Variants in ARID4A observed in about 807,000 individuals in gnomAD.
ARID4A encodes AT-rich interactive domain-containing protein 4A.
A neutral mutation model predicts 148.6 loss-of-function variants in ARID4A; 39 were observed. The observed-to-expected ratio is 0.26, with a 90% CI of 0.20 to 0.34. ARID4A has a LOEUF of 0.34. Ranked by LOEUF, ARID4A falls within the 10% of genes least tolerant of loss-of-function variation. The pLI is 1.00. For synonymous variants in ARID4A, 475 were observed against 481.2 expected (o/e 0.99, Z 0.17); for missense variants, 1,265 against 1,449.1 (o/e 0.87, Z 2.06).
At chr14:58,355,830 G>C (rs1319829156) in intron 17 of ARID4A, among the ~76,000 whole-genome samples, 2 of 151,990 alleles carry the variant, frequency 1.3e-5, no homozygotes, top group East Asian at 3.9e-4. Context: ...ATATGTCTGT[G>C]TTCTGCTTTC....
intron 15 of ARID4A, 38 bp from the exon 16 acceptor site, chr14:58,351,035 A>G (rs2034615555): frequency 6.4e-7 from 1 of 1,551,650 alleles, no homozygotes; most frequent in African/African-American, 1.4e-5. Context: ...TCCCCTTTAT[A>G]GTGATAGCTA....
chr14:58,300,215 G>A (rs2031027980), intron 2 of ARID4A, among the ~76,000 whole-genome samples: 1 of 152,096 alleles, frequency 6.6e-6, no homozygotes, highest in Non-Finnish European at 1.5e-5. Context: ...CTTCCCGTGT[G>A]CCAATGCGAT....
chr14:58,343,287 G>T (rs2034201948), intron 11 of ARID4A, among the ~76,000 whole-genome samples: 1 of 152,130 alleles, frequency 6.6e-6, no homozygotes, highest in South Asian at 2.1e-4. Flanking sequence ...TTTGGTAAAA[G>T]TATTTTAGTG....
At chr14:58,348,865 C>T (rs547010101) in intron 15 of ARID4A, among the ~76,000 whole-genome samples, 1 of 151,808 alleles carries the variant, frequency 6.6e-6, no homozygotes, top group African/African-American at 2.4e-5. Flanking sequence ...GTACATATAA[C>T]ATAAAATTTG....
At chr14:58,327,563 A>T (rs1295795853) in intron 8 of ARID4A, among the ~76,000 whole-genome samples, 1 of 152,154 alleles carries the variant, frequency 6.6e-6, no homozygotes, top group African/African-American at 2.4e-5. Flanking sequence ...GTATATTTTT[A>T]AAAATTATAT....
At chr14:58,355,151 T>C (rs1375758903) in intron 17 of ARID4A, among the ~76,000 whole-genome samples, 1 of 152,218 alleles carries the variant, frequency 6.6e-6, no homozygotes, top group Non-Finnish European at 1.5e-5. Context: ...CTGGCATATT[T>C]AATATCTCTG....
chr14:58,326,553 G>C (rs1474546897), intron 8 of ARID4A, among the ~76,000 whole-genome samples: 1 of 152,200 alleles, frequency 6.6e-6, no homozygotes. Flanking sequence ...AACATAATTT[G>C]AATCTAGGGC....
chr14:58,344,204 CAG>C (rs2034247777), intron 11 of ARID4A, among the ~76,000 whole-genome samples: 1 of 152,098 alleles, frequency 6.6e-6, no homozygotes, highest in Non-Finnish European at 1.5e-5. Context: ...GCCATCTAAA[CAG>C]AAATCCTTTG....
rs551253554 is a variant in ARID4A at position 58,303,949 on chromosome 14, A to G, written c.118-995A>G. Among the ~76,000 whole-genome samples the G allele has an allele frequency of 2.9e-4, 44 of 152,226 alleles. 1 individual carries two copies. The highest frequency in any genetic ancestry group is 1.0e-3 in the African/African-American group (43 of 41,556). On this transcript the variant is annotated intron_variant, in intron 3 of 23. Coordinates refer to ENST00000355431, the MANE Select transcript of ARID4A (RefSeq NM_002892.4). ...AAATGTTGAAACCCTGTCTCTAGTA[A>G]AAATACAAAAAATTAGCCAGACATG... is the stretch of plus-strand genomic sequence containing the variant.
intron 12 of ARID4A, among the ~76,000 whole-genome samples, chr14:58,345,791 C>T (rs1464353335): frequency 8.1e-6 from 1 of 123,574 alleles, no homozygotes; most frequent in Non-Finnish European, 1.6e-5. Flanking sequence ...AGTGCGGTGG[C>T]GTGAACATGG....
rs139341406 is a variant in ARID4A at position 58,320,089 on chromosome 14, A to T, written c.449+1284A>T. On this transcript the variant is annotated intron_variant, in intron 7 of 23. Coordinates refer to ENST00000355431, the MANE Select transcript of ARID4A (RefSeq NM_002892.4). ...CAGCCTCCCGAGTAGTCAGAACTAC[A>T]GGCGCGTGCCACCACGCCCAGCTAA... Among the ~76,000 whole-genome samples the T allele has an allele frequency of 3.6e-3, 553 of 151,690 alleles. 4 individuals are homozygous for T. Among genetic ancestry groups the T allele is most frequent in the African/African-American group, 0.012 (482 of 41,404 alleles).
chr14:58,364,867 T>C lies in ARID4A; in HGVS notation c.2778T>C (p.Thr926=), dbSNP rs1384040158. 3.7e-6 allele frequency: 6 copies of C among 1,614,016 alleles called. No homozygotes were observed. Among genetic ancestry groups the C allele is most frequent in the Middle Eastern group, 1.6e-4 (1 of 6,084 alleles). The change falls in exon 20 of 24, where the codon ACT becomes ACC. Residue 926 remains threonine (T), a synonymous_variant. Transcript: ENST00000355431. ...AESNQCIQQL[T]SERFDSPAEE... ...CAAACCAATGCATCCAACAACTGAC[T>C]AGTGAAAGATTTGATAGTCCAGCTG... is the stretch of plus-strand genomic sequence containing the variant.
At chr14:58,344,616 T>C (rs1256144744) in intron 11 of ARID4A, 79 bp from the exon 12 acceptor site, 12 of 1,007,666 alleles carry the variant, frequency 1.2e-5, no homozygotes, top group Non-Finnish European at 1.8e-5. Flanking sequence ...TGACTTTACA[T>C]TGGGTTCACA....
intron 5 of ARID4A, among the ~76,000 whole-genome samples, chr14:58,314,732 C>T (rs1282778567): frequency 6.6e-6 from 1 of 152,078 alleles, no homozygotes; most frequent in Non-Finnish European, 1.5e-5. Context: ...CCCCTGCCCC[C>T]CATTGTTGGG....
At position 58,365,509 on chromosome 14, in the gene ARID4A, T is replaced by G; in HGVS notation, c.3212-9T>G. On this transcript the variant is annotated splice_polypyrimidine_tract_variant and intron_variant, in intron 20 of 23. Coordinates refer to ENST00000355431, the MANE Select transcript of ARID4A (RefSeq NM_002892.4). The stretch of plus-strand genomic sequence containing the variant: ...TTTTTTCAACATTCTCTCTTTCCCC[T>G]TATTTCAGGTCAGAAGAGGCCAAGT... 1 of 910,572 alleles carries G rather than the reference T, an allele frequency of 1.1e-6. No homozygotes were observed. The highest frequency in any genetic ancestry group is 1.7e-6 in the Non-Finnish European group (1 of 590,210). 56.4% of individuals were successfully genotyped at this position (910,572 alleles called of 1,614,324 possible).
At chr14:58,364,062 G>A in intron 19 of ARID4A, 108 bp from the exon 20 acceptor site, 2 of 523,148 alleles carry the variant, frequency 3.8e-6, no homozygotes, top group Non-Finnish European at 5.9e-6. Flanking sequence ...GAGGTATTCA[G>A]AGGTACATGA....
At position 58,342,676 on chromosome 14, in the gene ARID4A, G is replaced by GC. The variant is rs2034170303; in HGVS notation, c.907-2017dup. ...ACCTGTAATCCCAACACTTTGGGAG[G>GC]CCAAGGTGGGTGGATCACCTGAGGT... On this transcript the variant is annotated intron_variant, in intron 11 of 23. Transcript: ENST00000355431. Among the ~76,000 whole-genome samples, 3 of 152,162 alleles carry GC rather than the reference G, an allele frequency of 2.0e-5. No homozygotes were observed. In the South Asian group the frequency reaches 6.2e-4, roughly 31 times the overall value.
intron 11 of ARID4A, chr14:58,331,317 GCTGT>G (rs770922924): frequency 2.6e-5 from 4 of 152,230 alleles, no homozygotes; most frequent in African/African-American, 7.2e-5. Context: ...TTTGAAATGG[GCTGT>G]CTTTCTTTTC....
chr14:58,323,703 A>G (rs926199482), intron 8 of ARID4A, 86 bp downstream of exon 8: 6 of 1,288,934 alleles, frequency 4.7e-6, no homozygotes, highest in African/African-American at 4.5e-5. Flanking sequence ...AAATATTTTG[A>G]AAGTATTAAA....
Sources: gnomAD v4.1 joint callset for allele counts (sites outside exome capture counted in the v4.1 genomes callset) on GRCh38, gnomAD v4.1.1 for gene constraint, MANE v1.5 for transcripts, NCBI Gene and HGNC (gene_info 2026-07-23, HGNC 2026-07-21) for gene names.